SIDT1: variants seen among roughly 807,000 people sequenced by gnomAD.
SIDT1 encodes the protein SID1 transmembrane family, member 1.
SIDT1 carries 101 observed loss-of-function variants against 107.5 expected under a neutral mutation model. The ratio of observed to expected loss-of-function variants is 0.94; its 90% CI spans 0.80 to 1.11. The LOEUF (loss-of-function observed/expected upper bound fraction) is 1.11. Ranked by LOEUF, SIDT1 falls within the 50% of genes least tolerant of loss-of-function variation. SIDT1 has a pLI of 0.00. For missense variants in SIDT1, 1,076 were observed against 1,058.2 expected (o/e 1.02, Z -0.23); for synonymous variants, 395 against 398.2 (o/e 0.99, Z 0.10).
intron 19 of SIDT1, among the ~76,000 whole-genome samples, chr3:113,614,823 CAGAG>C (rs999844298): frequency 6.6e-6 from 1 of 152,102 alleles, no homozygotes; most frequent in Non-Finnish European, 1.5e-5. Context: ...CAAAAGTAGA[CAGAG>C]AGAGAGAAAA....
intron 1 of SIDT1, among the ~76,000 whole-genome samples, chr3:113,556,821 CTTTT>C (rs61672960): frequency 6.5e-5 from 7 of 107,660 alleles, no homozygotes; most frequent in Admixed American, 3.4e-4. Context: ...GTTTCTTTTT[CTTTT>C]TTTTTTTTTT....
downstream of SIDT1, chr3:113,632,786 G>T (rs1341365796): frequency 1.3e-5 from 2 of 152,216 alleles, no homozygotes; most frequent in South Asian, 2.1e-4. Flanking sequence ...GGAGTTCTGG[G>T]CTGTAGTGCG....
At chr3:113,554,767 G>A (rs145670355) in intron 1 of SIDT1, among the ~76,000 whole-genome samples, 13 of 152,078 alleles carry the variant, frequency 8.5e-5, no homozygotes, top group African/African-American at 1.4e-4. Context: ...CCCCTTTCGC[G>A]ACAGAAGATC....
Position 113,532,886 on chromosome 3 carries a change from G to C in SIDT1, c.-136G>C. 1 of 521,224 alleles carries C rather than the reference G, an allele frequency of 1.9e-6. No individual in the cohort carries two copies. The highest frequency in any genetic ancestry group is 3.0e-6 in the Non-Finnish European group (1 of 328,556). 32.3% of individuals were successfully genotyped at this position (521,224 alleles called of 1,614,324 possible). A position where few individuals can be genotyped will look rare whatever the true frequency, so the allele number is the denominator to read the frequency against. On this transcript the variant is annotated 5_prime_UTR_variant, in exon 1 of 25. Transcript: ENST00000264852. ...CGTCAGCACGCTGCCAGCCCTGGCC[G>C]GCTGGGTTCGCCAGGCATCACCCGC... is the stretch of plus-strand genomic sequence containing the variant.
chr3:113,603,918 G>C (rs1433177637), intron 12 of SIDT1, 42 bp from the exon 13 acceptor site: 2 of 1,378,464 alleles, frequency 1.5e-6, no homozygotes, highest in Non-Finnish European at 2.1e-6. Flanking sequence ...TGCATAAAGA[G>C]CTGAGTACAG....
At chr3:113,623,765 C>T (rs368944590) in intron 23 of SIDT1, 32 bp downstream of exon 23, 197 of 1,466,598 alleles carry the variant, frequency 1.3e-4, no homozygotes, top group Non-Finnish European at 1.7e-4. Flanking sequence ...CCAAAAACAA[C>T]CTCTCTCTCC....
intron 7 of SIDT1, 119 bp downstream of exon 7, chr3:113,583,615 G>A: frequency 3.3e-6 from 2 of 602,828 alleles, no homozygotes; most frequent in East Asian, 5.3e-5. Flanking sequence ...TCATCATGAT[G>A]GGAAAGGCAT....
intron 23 of SIDT1, among the ~76,000 whole-genome samples, chr3:113,624,117 G>A (rs914024850): frequency 6.6e-6 from 1 of 152,162 alleles, no homozygotes; most frequent in Non-Finnish European, 1.5e-5. Flanking sequence ...TAACAGAGCC[G>A]AAGCCTAGGA....
At chr3:113,622,208 T>C (rs1462501428) in intron 21 of SIDT1, among the ~76,000 whole-genome samples, 1 of 152,046 alleles carries the variant, frequency 6.6e-6, no homozygotes, top group Non-Finnish European at 1.5e-5. Flanking sequence ...CTCACGCCTG[T>C]AATCCCAGCA....
chr3:113,554,271 G>A (rs1940596247), intron 1 of SIDT1, among the ~76,000 whole-genome samples: 1 of 152,146 alleles, frequency 6.6e-6, no homozygotes, highest in Non-Finnish European at 1.5e-5. Flanking sequence ...TTTATTGCAT[G>A]TTAAAAGGGT....
At chr3:113,549,978 A>G (rs1160294903) in intron 1 of SIDT1, among the ~76,000 whole-genome samples, 2 of 152,194 alleles carry the variant, frequency 1.3e-5, no homozygotes, top group African/African-American at 2.4e-5. Context: ...CAGTTGTTCT[A>G]GCATCATTTG....
At chr3:113,583,263 G>A in intron 6 of SIDT1, 146 bp from the exon 7 acceptor site, 1 of 496,280 alleles carries the variant, frequency 2.0e-6, no homozygotes, top group East Asian at 2.8e-5. Flanking sequence ...TCATGGGTAT[G>A]TGAAAGTCCT....
rs1244195025 is a variant in SIDT1 at position 113,604,891 on chromosome 3, G to T, written c.1338-19G>T. The T allele has an allele frequency of 6.2e-7, 1 of 1,613,738 alleles. No homozygotes were observed. Among genetic ancestry groups the T allele is most frequent in the Admixed American group, 1.7e-5 (1 of 59,998 alleles). On this transcript the variant is annotated intron_variant, in intron 13 of 24. Coordinates refer to ENST00000264852, the MANE Select transcript of SIDT1 (RefSeq NM_017699.3). ...GTTCATTTGAAAATAAGCATTTCTG[G>T]TTCTTTCTGCCTGCATAGGAACATC...
chr3:113,603,336 G>A (rs1945095878), intron 12 of SIDT1, among the ~76,000 whole-genome samples, 186 bp downstream of exon 12: 1 of 151,702 alleles, frequency 6.6e-6, no homozygotes, highest in African/African-American at 2.4e-5. Context: ...TTTTTTTCTC[G>A]CGGAAGAAAG....
intron 17 of SIDT1, among the ~76,000 whole-genome samples, chr3:113,609,058 C>CTTTTTTTTTTTTTTTTTTTTTTTTTTTT (rs11453487): frequency 1.2e-5 from 1 of 86,678 alleles, no homozygotes. Flanking sequence ...TGAGCCCATT[C>CTTTTTTTTTTTTTTTTTTTTTTTTTTTT]TTTTTTTTTT....
chr3:113,539,839 C>T (rs1031807552), intron 1 of SIDT1, among the ~76,000 whole-genome samples: 1 of 152,032 alleles, frequency 6.6e-6, no homozygotes, highest in Non-Finnish European at 1.5e-5. Flanking sequence ...CCCATCTCTA[C>T]TAAAAATACA....
chr3:113,605,122 C>CTATTTTT (rs1945232414), intron 14 of SIDT1, 146 bp downstream of exon 14: 31 of 306,914 alleles, frequency 1.0e-4, no homozygotes, highest in South Asian at 1.2e-4. Context: ...CTATTGCTTC[C>CTATTTTT]TCTTTTTTTT....
chr3:113,613,615 G>T (rs967264954), intron 19 of SIDT1, among the ~76,000 whole-genome samples: 23 of 152,210 alleles, frequency 1.5e-4, no homozygotes, highest in African/African-American at 5.1e-4. Context: ...AGAACATTTG[G>T]CAGGGCACGC....
chr3:113,592,880 C>G, intron 9 of SIDT1, 125 bp from the exon 10 acceptor site: 1 of 804,942 alleles, frequency 1.2e-6, no homozygotes, highest in Admixed American at 1.8e-5. Context: ...GCCACCGCAC[C>G]TGGCCCCAAA....
Sources: gnomAD v4.1 joint callset for allele counts (sites outside exome capture counted in the v4.1 genomes callset) on GRCh38, gnomAD v4.1.1 for gene constraint, MANE v1.5 for transcripts, NCBI Gene and HGNC (gene_info 2026-07-23, HGNC 2026-07-21) for gene names.